The following ZNF445 variants were observed in gnomAD, a reference collection of about 807,000 sequenced individuals.
The protein encoded by ZNF445 is zinc finger protein 168.
Under a neutral mutation model 93.9 loss-of-function variants are expected in ZNF445, and 19 were observed. That is an observed-to-expected ratio of 0.20 (90% CI 0.14 to 0.30). The LOEUF (loss-of-function observed/expected upper bound fraction) is 0.30, where lower values mean the gene tolerates loss of function less well. Among genes scored for constraint, ZNF445 ranks in the 10% least tolerant of loss-of-function variants. The probability of loss-of-function intolerance (pLI) is 1.00; values close to 1 mark genes in which losing one functional copy is unlikely to be tolerated. For missense variants in ZNF445, 1,058 were observed against 1,259.4 expected (o/e 0.84, Z 2.42); for synonymous variants, 449 against 446.3 (o/e 1.01, Z -0.08).
rs565566669 is a variant in ZNF445 at position 44,436,856 on chromosome 3, A to G, written c.*9719T>C. On this transcript the variant is annotated 3_prime_UTR_variant, in exon 8 of 8. Transcript: ENST00000396077. ...TCTCTGCTTAATTATCCCATATCGA[A>G]TAATTCAGCTTGATCTGACTTTATA... 2.5e-4 allele frequency: 38 copies of G among 152,306 alleles called. No individual in the cohort carries two copies. The highest frequency in any genetic ancestry group is 6.8e-3 in the Middle Eastern group (2 of 292). 9.4% of individuals were successfully genotyped at this position (152,306 alleles called of 1,614,324 possible).
intron 1 of ZNF445, among the ~76,000 whole-genome samples, chr3:44,468,169 C>G (rs1291867804): frequency 1.9e-4 from 29 of 152,200 alleles, no homozygotes; most frequent in Admixed American, 1.9e-3. Context: ...TGTCCCCTGT[C>G]AGGAGGAAGA....
At chr3:44,468,131 A>G (rs373051889) in intron 1 of ZNF445, among the ~76,000 whole-genome samples, 6 of 152,290 alleles carry the variant, frequency 3.9e-5, no homozygotes, top group African/African-American at 1.4e-4. Flanking sequence ...CACTCTTCTC[A>G]CGCTGGGGTT....
At chr3:44,469,039 CAA>C (rs58140525) in intron 1 of ZNF445, among the ~76,000 whole-genome samples, 38 of 67,108 alleles carry the variant, frequency 5.7e-4, no homozygotes, top group Admixed American at 1.2e-3. Context: ...GAGTCTGTCT[CAA>C]AAAAAAAAAA....
intron 1 of ZNF445, among the ~76,000 whole-genome samples, chr3:44,476,325 G>A (rs1006809494): frequency 6.6e-6 from 1 of 151,726 alleles, no homozygotes; most frequent in African/African-American, 2.4e-5. Context: ...TGCATACTGA[G>A]GTTTATCTTC....
Position 44,455,675 on chromosome 3 carries a change from G to A in ZNF445, c.-126C>T. 1 of 856,880 alleles carries A rather than the reference G, an allele frequency of 1.2e-6. No homozygotes were observed. The highest frequency in any genetic ancestry group is 1.9e-5 in the South Asian group (1 of 53,804). 53.1% of individuals were successfully genotyped at this position (856,880 alleles called of 1,614,324 possible). Reference sequence around the variant, plus strand: ...CTGGGACATCAGAAGTCATCAGCAAGTGACTGAAATTACCAGCATTTCTGT... The same window carrying A: ...CTGGGACATCAGAAGTCATCAGCAAATGACTGAAATTACCAGCATTTCTGT... On this transcript the variant is annotated 5_prime_UTR_variant, in exon 3 of 8. Transcript: ENST00000396077.
In ZNF445 at chr3:44,455,304, C is replaced by G; in HGVS notation, c.246G>C (p.Trp82Cys). The change falls in exon 3 of 8, where the codon TGG becomes TGC. Residue 82 changes from tryptophan to cysteine, a missense_variant. Transcript: ENST00000396077. ...TGGAGAGAACGTCAGGCCTCAGCCA[C>G]CAGCGACAGAGTTCCCGGAGCCGGC... ...TLSRLRELCR[W>C]WLRPDVLSKA... 6.2e-7 allele frequency: 1 copy of G among 1,614,092 alleles called. No individual in the cohort carries two copies. The highest frequency in any genetic ancestry group is 8.5e-7 in the Non-Finnish European group (1 of 1,179,954).
chr3:44,457,991 C>T (rs1193167329), intron 2 of ZNF445, among the ~76,000 whole-genome samples: 8 of 120,724 alleles, frequency 6.6e-5, no homozygotes, highest in Admixed American at 2.2e-4. Flanking sequence ...CCAGCCTGGG[C>T]GACAGAATAA....
At chr3:44,458,696 C>T (rs569102036) in intron 1 of ZNF445, among the ~76,000 whole-genome samples, 1 of 152,196 alleles carries the variant, frequency 6.6e-6, no homozygotes, top group African/African-American at 2.4e-5. Context: ...ACCTTTTCTT[C>T]CCCTCCTTTC....
In ZNF445 at chr3:44,449,690, T is replaced by G. The variant is rs575121558; in HGVS notation, c.821-67A>C. ...ACACAGAACTACTCTTCAGGACCTC[T>G]GGGCCTGAAGTCCTGGTGGGAAGGT... On this transcript the variant is annotated intron_variant, in intron 6 of 7. Coordinates refer to ENST00000396077, the MANE Select transcript of ZNF445 (RefSeq NM_181489.6). The G allele has an allele frequency of 2.6e-5, 34 of 1,332,634 alleles. No individual in the cohort carries two copies. In the Admixed American group the frequency reaches 5.0e-4, roughly 20 times the overall value. The allele number at this position is 1,332,634 out of a possible 1,614,324, so 82.6% of individuals were successfully genotyped here. A position where few individuals can be genotyped will look rare whatever the true frequency, so the allele number is the denominator to read the frequency against.
rs1338048858 is a variant in ZNF445 at position 44,435,946 on chromosome 3, C to G, written c.*10629G>C. ...TCCCAGAAAAGTCTAATTATTTGCCCTTCCCAATGCACAATCACTCTGATA... is the reference window on the plus strand; with the variant it reads ...TCCCAGAAAAGTCTAATTATTTGCCGTTCCCAATGCACAATCACTCTGATA... On this transcript the variant is annotated 3_prime_UTR_variant, in exon 8 of 8. Transcript: ENST00000396077. 2 of 152,200 alleles carry G rather than the reference C, an allele frequency of 1.3e-5. No individual in the cohort carries two copies. Among genetic ancestry groups the G allele is most frequent in the African/African-American group, 4.8e-5 (2 of 41,440 alleles). 9.4% of individuals were successfully genotyped at this position (152,200 alleles called of 1,614,324 possible). A position where few individuals can be genotyped will look rare whatever the true frequency, so the allele number is the denominator to read the frequency against.
At position 44,444,888 on chromosome 3, in the gene ZNF445, C is replaced by T. The variant is rs1263003373; in HGVS notation, c.*1687G>A. The stretch of plus-strand genomic sequence containing the variant: ...CCCCTATAGTCAGGACACTGCTCTA[C>T]TATTAAAACATTTTATCCTTTCATT... On this transcript the variant is annotated 3_prime_UTR_variant, in exon 8 of 8. Coordinates refer to ENST00000396077, the MANE Select transcript of ZNF445 (RefSeq NM_181489.6). 6.6e-6 allele frequency: 1 copy of T among 152,246 alleles called. No homozygotes were observed. Among genetic ancestry groups the T allele is most frequent in the Non-Finnish European group, 1.5e-5 (1 of 68,046 alleles). The allele number at this position is 152,246 out of a possible 1,614,324, so 9.4% of individuals were successfully genotyped here.
At chr3:44,453,258 T>C (rs555641026) in intron 3 of ZNF445, among the ~76,000 whole-genome samples, 74 of 151,882 alleles carry the variant, frequency 4.9e-4, no homozygotes, top group African/African-American at 1.5e-3. Flanking sequence ...CATATATATA[T>C]GTATATGTAT....
intron 1 of ZNF445, among the ~76,000 whole-genome samples, chr3:44,473,362 G>A (rs1221206992): frequency 4.0e-5 from 6 of 151,708 alleles, no homozygotes; most frequent in Non-Finnish European, 5.9e-5. Flanking sequence ...GCTGAGGCAG[G>A]AGAATCGCTT....
chr3:44,470,357 G>A (rs1375378734), intron 1 of ZNF445, among the ~76,000 whole-genome samples: 4 of 151,360 alleles, frequency 2.6e-5, no homozygotes, highest in African/African-American at 2.4e-5. Context: ...ACGTACAACC[G>A]TGTGTGTGTG....
At chr3:44,474,166 G>C (rs1698310370) in intron 1 of ZNF445, among the ~76,000 whole-genome samples, 1 of 152,218 alleles carries the variant, frequency 6.6e-6, no homozygotes, top group Non-Finnish European at 1.5e-5. Flanking sequence ...TAAGGTTCCA[G>C]TGGTAAAACT....
At position 44,455,613 on chromosome 3, in the gene ZNF445, G is replaced by A. The variant is rs550512561; in HGVS notation, c.-64C>T. On this transcript the variant is annotated 5_prime_UTR_variant, in exon 3 of 8. Coordinates refer to ENST00000396077, the MANE Select transcript of ZNF445 (RefSeq NM_181489.6). ...AGTCCACCTTAGACGTGGGTCCTCA[G>A]AAGTATCTTCTCAGCAGTCAACAAT... 2 of 1,464,224 alleles carry A rather than the reference G, an allele frequency of 1.4e-6. No individual in the cohort carries two copies. The highest frequency in any genetic ancestry group is 2.3e-5 in the East Asian group (1 of 43,324). 90.7% of individuals were successfully genotyped at this position (1,464,224 alleles called of 1,614,324 possible).
intron 2 of ZNF445, among the ~76,000 whole-genome samples, chr3:44,456,973 C>CA (rs1698035848): frequency 6.6e-6 from 1 of 152,046 alleles, no homozygotes; most frequent in Admixed American, 6.6e-5. Flanking sequence ...ACAAAAAATA[C>CA]AAAAAATTAG....
In ZNF445 at chr3:44,455,485, C is replaced by T. The variant is rs143075170; in HGVS notation, c.65G>A (p.Arg22Gln). ...TTCTTCCTTCTTTACTGTCTGAAGC[C>T]GCCCTCGCTCCCTCGAAGACTGGGC... ...AQAQSSRERG[R>Q]LQTVKKEEED... The change falls in exon 3 of 8, where the codon CGG (arginine) becomes CAG (glutamine). Residue 22 changes from arginine (R) to glutamine (Q), a missense_variant. Transcript: ENST00000396077. 1.8e-4 allele frequency: 291 copies of T among 1,613,570 alleles called. 1 individual carries two copies. The highest frequency in any genetic ancestry group is 6.6e-4 in the Middle Eastern group (4 of 6,076).
At chr3:44,471,425 T>C (rs539925654) in intron 1 of ZNF445, among the ~76,000 whole-genome samples, 1 of 152,284 alleles carries the variant, frequency 6.6e-6, no homozygotes, top group African/African-American at 2.4e-5. Flanking sequence ...TCTCAGAACT[T>C]GTTGCAAAGT....
Sources: allele counts gnomAD v4.1 joint callset (sites outside exome capture counted in the v4.1 genomes callset), GRCh38; gene constraint gnomAD v4.1.1; transcripts MANE v1.5; gene names NCBI Gene and HGNC (gene_info 2026-07-23, HGNC 2026-07-21).